SRGAP1: variants seen among roughly 807,000 people sequenced by gnomAD.
SRGAP1 encodes the protein SLIT-ROBO Rho GTPase activating protein 1.
Under a neutral mutation model 121.9 loss-of-function variants are expected in SRGAP1, and 43 were observed. That is an observed-to-expected ratio of 0.35 (90% CI 0.28 to 0.46). The LOEUF (loss-of-function observed/expected upper bound fraction) is 0.46, where lower values mean the gene tolerates loss of function less well. SRGAP1 is among the 20% of genes least tolerant of loss of function. The pLI is 1.00. For missense variants in SRGAP1, 1,102 were observed against 1,350.9 expected, an observed-to-expected ratio of 0.82 and a Z score of 2.89; for synonymous variants, 447 against 485.4, an observed-to-expected ratio of 0.92 and a Z score of 1.04.
At chr12:63,917,706 C>G (rs1286837985) in intron 1 of SRGAP1, among the ~76,000 whole-genome samples, 1 of 151,110 alleles carries the variant, frequency 6.6e-6, no homozygotes, top group Non-Finnish European at 1.5e-5. Flanking sequence ...AATATGGTCT[C>G]TATTTCAGAA....
At chr12:63,947,762 G>A (rs907685125) in intron 1 of SRGAP1, among the ~76,000 whole-genome samples, 7 of 152,044 alleles carry the variant, frequency 4.6e-5, no homozygotes, top group Non-Finnish European at 1.0e-4. Context: ...GGCTGTTCAA[G>A]GTCTTAATAT....
At chr12:64,013,452 A>T (rs752251883) in intron 3 of SRGAP1, among the ~76,000 whole-genome samples, 1 of 152,204 alleles carries the variant, frequency 6.6e-6, no homozygotes, top group Non-Finnish European at 1.5e-5. Flanking sequence ...TTTGAAGGCT[A>T]GTGGTGGGAA....
chr12:64,121,352 T>C (rs1161678042), intron 18 of SRGAP1, among the ~76,000 whole-genome samples: 1 of 152,186 alleles, frequency 6.6e-6, no homozygotes, highest in Non-Finnish European at 1.5e-5. Context: ...TTTTCTGAAC[T>C]TAATTTACAA....
intron 6 of SRGAP1, among the ~76,000 whole-genome samples, chr12:64,061,858 G>A (rs146130749): frequency 1.3e-5 from 2 of 152,252 alleles, no homozygotes; most frequent in African/African-American, 4.8e-5. Context: ...GTTATGGCAT[G>A]TATCAGTTCT....
At chr12:63,897,858 T>C (rs1900805041) in intron 1 of SRGAP1, among the ~76,000 whole-genome samples, 1 of 152,186 alleles carries the variant, frequency 6.6e-6, no homozygotes, top group Admixed American at 6.5e-5. Flanking sequence ...ATTTTTTTCT[T>C]TGATGTTTTT....
chr12:64,108,828 G>A (rs983954883), intron 15 of SRGAP1, 104 bp from the exon 16 acceptor site: 11 of 665,096 alleles, frequency 1.7e-5, no homozygotes, highest in Admixed American at 5.6e-5. Flanking sequence ...CAAGAGCAGG[G>A]TGTTGCTTAT....
At chr12:64,081,007 G>A (rs996781339) in intron 10 of SRGAP1, 8 of 153,490 alleles carry the variant, frequency 5.2e-5, no homozygotes, top group African/African-American at 1.9e-4. Context: ...TAATTTCTCC[G>A]TTTTTACAAA....
chr12:64,084,098 A>C (rs1283399968), intron 10 of SRGAP1, among the ~76,000 whole-genome samples: 1 of 152,230 alleles, frequency 6.6e-6, no homozygotes, highest in Non-Finnish European at 1.5e-5. Flanking sequence ...CCTGTGTCTC[A>C]TTTGAGCCAT....
chr12:64,131,357 A>G (rs1176988219), intron 21 of SRGAP1, among the ~76,000 whole-genome samples: 1 of 152,130 alleles, frequency 6.6e-6, no homozygotes, highest in Non-Finnish European at 1.5e-5. Context: ...CAGCCAAACC[A>G]TTGGCTACAG....
chr12:64,066,698 G>A (rs1277767802), intron 8 of SRGAP1, among the ~76,000 whole-genome samples: 1 of 152,108 alleles, frequency 6.6e-6, no homozygotes, highest in South Asian at 2.1e-4. Flanking sequence ...ATTCAAATGT[G>A]TATATTTAAG....
intron 3 of SRGAP1, among the ~76,000 whole-genome samples, chr12:64,003,204 A>C (rs2033961951): frequency 6.6e-6 from 1 of 152,060 alleles, no homozygotes. Flanking sequence ...CTCCCACCTC[A>C]GCCTCCCAAG....
intron 9 of SRGAP1, among the ~76,000 whole-genome samples, chr12:64,079,677 C>T (rs1416284945): frequency 1.3e-5 from 2 of 150,708 alleles, no homozygotes; most frequent in African/African-American, 4.9e-5. Context: ...GAGAGTGAGA[C>T]CCCAACTCTA....
At chr12:63,902,973 A>G (rs1280273612) in intron 1 of SRGAP1, among the ~76,000 whole-genome samples, 1 of 152,166 alleles carries the variant, frequency 6.6e-6, no homozygotes, top group Non-Finnish European at 1.5e-5. Flanking sequence ...TTTCTCATCT[A>G]TGTATAATGT....
chr12:63,847,054 T>C (rs1898926229), intron 1 of SRGAP1, among the ~76,000 whole-genome samples: 1 of 152,192 alleles, frequency 6.6e-6, no homozygotes, highest in Non-Finnish European at 1.5e-5. Context: ...TGGGATCAGG[T>C]GCAGTGGTGC....
chr12:64,065,213 T>C lies in SRGAP1; in HGVS notation c.1119T>C (p.Asn373=). The C allele has an allele frequency of 1.2e-6, 2 of 1,612,494 alleles. No homozygotes were observed. The highest frequency in any genetic ancestry group is 1.7e-6 in the Non-Finnish European group (2 of 1,179,416). The change falls in exon 8 of 22, where the codon AAT becomes AAC. Residue 373 remains asparagine, a synonymous_variant. Coordinates refer to ENST00000355086, the MANE Select transcript of SRGAP1 (RefSeq NM_020762.4). ...QSRLATLKIE[N]EEVKKTTEAT... ...GCCTTGCCACGCTCAAAATCGAGAA[T>C]GAAGAGGTGAGCATGCGTTCGTCCT...
In SRGAP1 at chr12:63,988,132, TTAC is replaced by T. The variant is rs145009417; in HGVS notation, c.264-1770_264-1768del. The stretch of plus-strand genomic sequence containing the variant: ...ATGATAGCTATTATTATTTTCAATA[TTAC>T]TACTACTGCTATTATTACTAAGGCA... On this transcript the variant is annotated intron_variant, in intron 2 of 21. Coordinates refer to ENST00000355086, the MANE Select transcript of SRGAP1 (RefSeq NM_020762.4). 5.7e-3 allele frequency among the ~76,000 whole-genome samples: 867 copies of T among 152,248 alleles called. 7 individuals carry two copies. Among genetic ancestry groups the T allele is most frequent in the African/African-American group, 0.02 (826 of 41,520 alleles).
In SRGAP1 at chr12:64,142,291, A is replaced by G; in HGVS notation, c.2881-4A>G. On this transcript the variant is annotated splice_polypyrimidine_tract_variant and splice_region_variant and intron_variant, in intron 21 of 21. Coordinates refer to ENST00000355086, the MANE Select transcript of SRGAP1 (RefSeq NM_020762.4). Reference sequence around the variant, plus strand: ...TTTCTCTCTTTCCGATTATTCTTCAATAGGATATTGAAGAAACGATGAACA... The same window carrying G: ...TTTCTCTCTTTCCGATTATTCTTCAGTAGGATATTGAAGAAACGATGAACA... 1 of 1,610,108 alleles carries G rather than the reference A, an allele frequency of 6.2e-7. No individual in the cohort carries two copies. The highest frequency in any genetic ancestry group is 8.5e-7 in the Non-Finnish European group (1 of 1,177,010).
chr12:64,082,737 C>T (rs1431896669), intron 10 of SRGAP1, among the ~76,000 whole-genome samples: 2 of 152,152 alleles, frequency 1.3e-5, no homozygotes, highest in Non-Finnish European at 2.9e-5. Context: ...CATGGGCCAC[C>T]GTGCCCAGCT....
rs186989093 is a variant in SRGAP1, at chr12:63,897,963, A to T, written c.67+53080A>T. Among the ~76,000 whole-genome samples, 14 of 152,310 alleles carry T rather than the reference A, an allele frequency of 9.2e-5. No homozygotes were observed. In the East Asian group the frequency reaches 2.7e-3, roughly 29 times the overall value. On this transcript the variant is annotated intron_variant, in intron 1 of 21. Coordinates refer to ENST00000355086, the MANE Select transcript of SRGAP1 (RefSeq NM_020762.4). ...GCTGAATCTATTTCAAACACTGAGAATAAGAAAGCTTTGGGTACATGGAGT... is the reference window on the plus strand; with the variant it reads ...GCTGAATCTATTTCAAACACTGAGATTAAGAAAGCTTTGGGTACATGGAGT...
Sources: gnomAD v4.1 joint callset for allele counts (sites outside exome capture counted in the v4.1 genomes callset) on GRCh38, gnomAD v4.1.1 for gene constraint, MANE v1.5 for transcripts, NCBI Gene and HGNC (gene_info 2026-07-23, HGNC 2026-07-21) for gene names.